Variants in MED12L observed in about 807,000 individuals in gnomAD.
MED12L encodes mediator of RNA polymerase II transcription subunit 12-like protein.
Under a neutral mutation model 281.3 loss-of-function variants are expected in MED12L, and 60 were observed. The ratio of observed to expected loss-of-function variants is 0.21; its 90% CI spans 0.17 to 0.26. MED12L has a LOEUF of 0.26. Ranked by LOEUF, MED12L falls within the 10% of genes least tolerant of loss-of-function variation. The pLI, the probability that MED12L is intolerant of heterozygous loss-of-function variation, is 1.00. For synonymous variants in MED12L, 974 were observed against 987.2 expected, an observed-to-expected ratio of 0.99 and a Z score of 0.25; for missense variants, 2,146 against 2,680.9, an observed-to-expected ratio of 0.80 and a Z score of 4.41.
intron 23 of MED12L, among the ~76,000 whole-genome samples, chr3:151,366,215 G>A (rs1755249100): frequency 4.6e-5 from 7 of 152,106 alleles, no homozygotes; most frequent in Admixed American, 4.6e-4. Flanking sequence ...TGTAGCAGAG[G>A]GGCCAAGAAT....
chr3:151,285,491 G>GA (rs983876225), intron 16 of MED12L, among the ~76,000 whole-genome samples: 53 of 141,230 alleles, frequency 3.8e-4, no homozygotes, highest in East Asian at 6.1e-4. Context: ...CTGTCTCAAA[G>GA]AAAAAAAAAA....
intron 16 of MED12L, among the ~76,000 whole-genome samples, chr3:151,290,590 C>CT (rs1309920954): frequency 2.0e-5 from 3 of 150,122 alleles, no homozygotes; most frequent in Non-Finnish European, 3.0e-5. Flanking sequence ...AAAGAACAGT[C>CT]TATTTGTAGC....
chr3:151,161,665 G>C (rs1381588179), intron 8 of MED12L, among the ~76,000 whole-genome samples: 3 of 152,162 alleles, frequency 2.0e-5, no homozygotes, highest in African/African-American at 7.2e-5. Context: ...TTAGTTCTTG[G>C]AACTAGCCTT....
chr3:151,175,383 C>T (rs910500700), intron 11 of MED12L, among the ~76,000 whole-genome samples: 1 of 152,168 alleles, frequency 6.6e-6, no homozygotes, highest in Non-Finnish European at 1.5e-5. Context: ...CTGTTAAGAG[C>T]TTTATTCAGT....
rs116050999 is a variant in MED12L at position 151,135,640 on chromosome 3, G to C, written c.556+7656G>C. Among the ~76,000 whole-genome samples, 783 of 152,276 alleles carry C rather than the reference G, an allele frequency of 5.1e-3. 10 individuals carry two copies. The highest frequency in any genetic ancestry group is 0.018 in the African/African-American group (743 of 41,552). ...CTAGAGTGCCTGCTCCTCACTCCTC[G>C]CTGTGAGGTGATAGCTGCTGGTGGC... On this transcript the variant is annotated intron_variant, in intron 5 of 44. Transcript: ENST00000687756.
At chr3:151,207,859 C>T (rs1726588530) in intron 16 of MED12L, among the ~76,000 whole-genome samples, 1 of 152,110 alleles carries the variant, frequency 6.6e-6, no homozygotes. Context: ...GGTTTTAGTC[C>T]TGGGAAAGGA....
At position 151,384,266 on chromosome 3, in the gene MED12L, T is replaced by G. The variant is rs1291502615; in HGVS notation, c.4926+48T>G. The G allele has an allele frequency of 4.6e-6, 7 of 1,530,850 alleles. No homozygotes were observed. In the Admixed American group the frequency reaches 1.5e-4, roughly 33 times the overall value. 94.8% of individuals were successfully genotyped at this position (1,530,850 alleles called of 1,614,324 possible). Reference sequence around the variant, plus strand: ...TTATGAGCTCAAGTTGTTTATGGATTTATTATCTAGTGCATTTTAATTTAT... The same window carrying G: ...TTATGAGCTCAAGTTGTTTATGGATGTATTATCTAGTGCATTTTAATTTAT... On this transcript the variant is annotated intron_variant, in intron 35 of 44. Coordinates refer to ENST00000687756, the MANE Select transcript of MED12L (RefSeq NM_001393769.1).
At chr3:151,299,282 TAGGGTGTCACTACC>T (rs2149713329) in intron 16 of MED12L, among the ~76,000 whole-genome samples, 1 of 152,304 alleles carries the variant, frequency 6.6e-6, no homozygotes, top group African/African-American at 2.4e-5. Context: ...ATTCAAATTA[TAGGGTGTCACTACC>T]AGGGCACAGC....
At chr3:151,299,680 G>A (rs1745642204) in intron 16 of MED12L, among the ~76,000 whole-genome samples, 1 of 151,852 alleles carries the variant, frequency 6.6e-6, no homozygotes, top group Non-Finnish European at 1.5e-5. Flanking sequence ...TTTCCAAATA[G>A]TTACCCAGTA....
intron 5 of MED12L, among the ~76,000 whole-genome samples, chr3:151,153,564 C>CTTTTTTTTTTTTT (rs1177653143): frequency 1.4e-4 from 13 of 94,286 alleles, no homozygotes; most frequent in African/African-American, 1.8e-4. Flanking sequence ...TGTTTTCTTT[C>CTTTTTTTTTTTTT]TTTTTTTTTT....
At chr3:151,346,209 G>A (rs1043370786) in intron 16 of MED12L, among the ~76,000 whole-genome samples, 1 of 151,990 alleles carries the variant, frequency 6.6e-6, no homozygotes, top group Admixed American at 6.6e-5. Flanking sequence ...GTAGAAAGAT[G>A]TTCCTTTCTT....
At chr3:151,214,255 G>T in intron 16 of MED12L, 2 of 1,614,000 alleles carry the variant, frequency 1.2e-6, no homozygotes, top group Non-Finnish European at 1.7e-6. Flanking sequence ...GATCTGCTGA[G>T]TGATCAGGAG....
chr3:151,372,464 G>C (rs1756310386), intron 26 of MED12L, 103 bp from the exon 27 acceptor site: 2 of 799,246 alleles, frequency 2.5e-6, no homozygotes, highest in Non-Finnish European at 4.2e-6. Flanking sequence ...TAATAATACT[G>C]TTCATATATT....
intron 16 of MED12L, among the ~76,000 whole-genome samples, chr3:151,308,065 CAT>C (rs1409006284): frequency 6.6e-6 from 1 of 152,132 alleles, no homozygotes; most frequent in Non-Finnish European, 1.5e-5. Context: ...GGTAAGAAAA[CAT>C]ATGTTAAGTC....
intron 8 of MED12L, among the ~76,000 whole-genome samples, chr3:151,163,047 A>G (rs1176275046): frequency 1.3e-5 from 2 of 152,202 alleles, no homozygotes; most frequent in Admixed American, 1.3e-4. Context: ...TATGTTTAGG[A>G]GGCAGGATAA....
chr3:151,315,924 A>C (rs571216699), intron 16 of MED12L, among the ~76,000 whole-genome samples: 2 of 152,202 alleles, frequency 1.3e-5, no homozygotes, highest in African/African-American at 4.8e-5. Context: ...AAAAGTCCTT[A>C]TTAAAATTTA....
Position 151,153,564 on chromosome 3 carries a change from CTTTTTTTTTT to C in MED12L, c.557-2584_557-2575del, listed in dbSNP as rs1177653143. Among the ~76,000 whole-genome samples, 11 of 94,288 alleles carry C rather than the reference CTTTTTTTTTT, an allele frequency of 1.2e-4. 1 individual carries two copies. Among genetic ancestry groups the C allele is most frequent in the Admixed American group, 8.7e-4 (7 of 8,066 alleles). The allele number at this position is 94,288 out of a possible 152,430, so 61.9% of individuals were successfully genotyped here. ...GTATGTATCCGTTTCTGTTTTCTTT[CTTTTTTTTTT>C]TTTTTTTTTTTTGAGACAGACTCTT... On this transcript the variant is annotated intron_variant, in intron 5 of 44. Transcript: ENST00000687756.
intron 39 of MED12L, among the ~76,000 whole-genome samples, chr3:151,408,969 C>T (rs963147202): frequency 6.6e-6 from 1 of 152,240 alleles, no homozygotes; most frequent in African/African-American, 2.4e-5. Flanking sequence ...AGCCAGCTGA[C>T]AGCCTCTCTG....
At chr3:151,282,347 A>AGTTTTTTTTT (rs988153172) in intron 16 of MED12L, among the ~76,000 whole-genome samples, 29 of 140,088 alleles carry the variant, frequency 2.1e-4, no homozygotes, top group African/African-American at 7.9e-4. Flanking sequence ...TATATAATTT[A>AGTTTTTTTTT]GTTTTTTTTT....
Sources: gnomAD v4.1 joint callset for allele counts (sites outside exome capture counted in the v4.1 genomes callset) on GRCh38, gnomAD v4.1.1 for gene constraint, MANE v1.5 for transcripts, NCBI Gene and HGNC (gene_info 2026-07-23, HGNC 2026-07-21) for gene names.